TCF7: variants seen among roughly 807,000 people sequenced by gnomAD.
TCF7 encodes T-cell-factor-7.
In TCF7, 19 loss-of-function variants were observed where a neutral mutation model predicts 46.8. That is an observed-to-expected ratio of 0.41 (90% CI 0.28 to 0.60). The LOEUF (loss-of-function observed/expected upper bound fraction) is 0.60, where lower values mean the gene tolerates loss of function less well. Among genes scored for constraint, TCF7 ranks in the 20% least tolerant of loss-of-function variants. The pLI is 0.35. For missense variants in TCF7, 547 were observed against 504.6 expected (o/e 1.08, Z -0.81); for synonymous variants, 245 against 213.4 (o/e 1.15, Z -1.29).
At position 134,146,204 on chromosome 5, in the gene TCF7, ACT is replaced by A; in HGVS notation, c.1076-15_1076-14del. 2 of 1,614,106 alleles carry A rather than the reference ACT, an allele frequency of 1.2e-6. No homozygotes were observed. The highest frequency in any genetic ancestry group is 1.7e-6 in the Non-Finnish European group (2 of 1,180,010). The stretch of plus-strand genomic sequence containing the variant: ...TGAATTCACCCTCTGTTTACAGATA[ACT>A]CTCTTCACTATTCCTAGGAGGAAAA... On this transcript the variant is annotated intron_variant, in intron 9 of 9. Transcript: ENST00000342854.
chr5:134,129,711 C>T (rs1257957047), intron 3 of TCF7, among the ~76,000 whole-genome samples: 3 of 152,256 alleles, frequency 2.0e-5, no homozygotes, highest in Non-Finnish European at 2.9e-5. Flanking sequence ...CAGTGAGTTC[C>T]GAGGGTGCCT....
intron 9 of TCF7, chr5:134,145,706 C>T: frequency 1.9e-6 from 3 of 1,611,386 alleles, no homozygotes; most frequent in Non-Finnish European, 2.5e-6. Flanking sequence ...ACAACCCTGT[C>T]TTCAGGGGAA....
chr5:134,116,100 C>T lies in TCF7; in HGVS notation c.441+67C>T, dbSNP rs1199272976. ...CTCCTTGACCAGGTAGGTGAGGCAC[C>T]GGCAAGAGACTTCTGCCTGGAACAA... On this transcript the variant is annotated intron_variant, in intron 3 of 9. Coordinates refer to ENST00000342854, the MANE Select transcript of TCF7 (RefSeq NM_003202.5). The T allele has an allele frequency of 1.2e-5, 18 of 1,530,102 alleles. No individual in the cohort carries two copies. The East Asian group carries it at 3.2e-4, about 28-fold the overall frequency. The allele number at this position is 1,530,102 out of a possible 1,614,324, so 94.8% of individuals were successfully genotyped here.
At chr5:134,119,414 G>A (rs536411231) in intron 3 of TCF7, among the ~76,000 whole-genome samples, 1 of 152,280 alleles carries the variant, frequency 6.6e-6, no homozygotes, top group African/African-American at 2.4e-5. Context: ...AGATCGTGGT[G>A]GCAGCTGCAC....
At chr5:134,129,147 T>C (rs1199701837) in intron 3 of TCF7, among the ~76,000 whole-genome samples, 2 of 152,220 alleles carry the variant, frequency 1.3e-5, no homozygotes, top group Non-Finnish European at 2.9e-5. Context: ...TTCACTTTCC[T>C]CGTCTGCGAA....
rs1168721976 is a variant in TCF7, at chr5:134,143,007, G to T, written c.933G>T (p.Ser311=). 1.2e-6 allele frequency: 2 copies of T among 1,612,700 alleles called. No homozygotes were observed. Among genetic ancestry groups the T allele is most frequent in the African/African-American group, 1.3e-5 (1 of 74,918 alleles). The part of the protein sequence containing the change: ...QILGRRWHAL[S]REEQAKYYEL... ...CCCTGTTGCAGTGGCACGCGCTGTC[G>T]CGAGAAGAGCAGGCCAAGTACTATG... The change falls in exon 8 of 10, where the codon TCG becomes TCT. Residue 311 remains serine, a synonymous_variant. Coordinates refer to ENST00000342854, the MANE Select transcript of TCF7 (RefSeq NM_003202.5).
At chr5:134,133,974 G>A (rs1189172981) in intron 3 of TCF7, among the ~76,000 whole-genome samples, 2 of 152,182 alleles carry the variant, frequency 1.3e-5, no homozygotes, top group African/African-American at 4.8e-5. Context: ...TGCAACCTGG[G>A]GCTCAGGTGG....
upstream of TCF7, among the ~76,000 whole-genome samples, chr5:134,110,077 C>T (rs868368013): frequency 5.3e-5 from 8 of 152,306 alleles, no homozygotes; most frequent in South Asian, 4.1e-4. Flanking sequence ...CAAACCCATT[C>T]ATCAGGAACA....
At chr5:134,126,760 G>A (rs762837560) in intron 3 of TCF7, among the ~76,000 whole-genome samples, 8 of 152,174 alleles carry the variant, frequency 5.3e-5, no homozygotes, top group Non-Finnish European at 8.8e-5. Context: ...AGCCGGGTGC[G>A]GTGGCACACG....
intron 5 of TCF7, chr5:134,139,251 C>T (rs979552915): frequency 1.8e-5 from 12 of 676,440 alleles, no homozygotes; most frequent in Admixed American, 1.2e-4. Context: ...GCCTGACATA[C>T]TCCCTTTGGA....
upstream of TCF7, among the ~76,000 whole-genome samples, chr5:134,110,138 C>T (rs992598505): frequency 3.9e-5 from 6 of 152,238 alleles, no homozygotes; most frequent in African/African-American, 1.4e-4. Flanking sequence ...TCCTAACAAG[C>T]CCTGTGAAGC....
At chr5:134,137,935 CG>C (rs1759139027) in intron 3 of TCF7, 123 bp from the exon 4 acceptor site, 1 of 730,976 alleles carries the variant, frequency 1.4e-6, no homozygotes, top group Middle Eastern at 3.1e-4. Context: ...GTACCCCCTT[CG>C]CTGAGGCCTG....
chr5:134,145,983 C>T lies in TCF7; in HGVS notation c.1076-241C>T, dbSNP rs187060312. On this transcript the variant is annotated intron_variant, in intron 9 of 9. Coordinates refer to ENST00000342854, the MANE Select transcript of TCF7 (RefSeq NM_003202.5). ...ACTCCCTTGGAAGACAGATGACAGC[C>T]CATAGGCCTAGTGACAAAAGGCCCC... The T allele has an allele frequency of 1.0e-5, 15 of 1,473,882 alleles. No individual in the cohort carries two copies. In the African/African-American group the frequency reaches 2.1e-4, roughly 21 times the overall value. 91.3% of individuals were successfully genotyped at this position (1,473,882 alleles called of 1,614,324 possible). A position where few individuals can be genotyped will look rare whatever the true frequency, so the allele number is the denominator to read the frequency against.
In TCF7 at chr5:134,142,984, C is replaced by G. The variant is rs1760080946; in HGVS notation, c.919-9C>G. 1 of 1,613,818 alleles carries G rather than the reference C, an allele frequency of 6.2e-7. No homozygotes were observed. Among genetic ancestry groups the G allele is most frequent in the East Asian group, 2.2e-5 (1 of 44,860 alleles). Reference sequence around the variant, plus strand: ...GATGCACCCCACCTGCCCCTCTTCCCTGTTGCAGTGGCACGCGCTGTCGCG... The same window carrying G: ...GATGCACCCCACCTGCCCCTCTTCCGTGTTGCAGTGGCACGCGCTGTCGCG... On this transcript the variant is annotated splice_polypyrimidine_tract_variant and intron_variant, in intron 7 of 9. Transcript: ENST00000342854.
Position 134,147,161 on chromosome 5 carries a change from G to C in TCF7, c.*858G>C, listed in dbSNP as rs1760805639. On this transcript the variant is annotated 3_prime_UTR_variant, in exon 10 of 10. Coordinates refer to ENST00000342854, the MANE Select transcript of TCF7 (RefSeq NM_003202.5). ...TTTAGGCCTATCAACCTAAGCAACAGAAATAATCTGACACTACCTTATCAG... is the reference window on the plus strand; with the variant it reads ...TTTAGGCCTATCAACCTAAGCAACACAAATAATCTGACACTACCTTATCAG... 6.6e-6 allele frequency: 1 copy of C among 152,380 alleles called. No homozygotes were observed. The allele number at this position is 152,380 out of a possible 1,614,324, so 9.4% of individuals were successfully genotyped here. A position where few individuals can be genotyped will look rare whatever the true frequency, so the allele number is the denominator to read the frequency against.
chr5:134,108,968 T>A, the TCF7 span, among the ~76,000 whole-genome samples: 1 of 152,324 alleles, frequency 6.6e-6, no homozygotes. Context: ...TGCCATGTTG[T>A]GTGCCATGAC....
At position 134,115,107 on chromosome 5, in the gene TCF7, G is replaced by A. The variant is rs751948996; in HGVS notation, c.201G>A (p.Gly67=). ...NESEGAAGGA[G]IPGVPGAGAG... Reference sequence around the variant, plus strand: ...CCGAGGGCGCGGCCGGCGGCGCAGGGATCCCGGGGGTCCCGGGGGCCGGCG... The same window carrying A: ...CCGAGGGCGCGGCCGGCGGCGCAGGAATCCCGGGGGTCCCGGGGGCCGGCG... The change falls in exon 1 of 10, where the codon GGG becomes GGA. Residue 67 remains glycine, a synonymous_variant. Transcript: ENST00000342854. 4.8e-6 allele frequency: 5 copies of A among 1,042,268 alleles called. No individual in the cohort carries two copies. The highest frequency in any genetic ancestry group is 5.8e-6 in the Non-Finnish European group (5 of 864,630). The allele number at this position is 1,042,268 out of a possible 1,614,324, so 64.6% of individuals were successfully genotyped here.
intron 3 of TCF7, among the ~76,000 whole-genome samples, chr5:134,118,452 G>A (rs1023510793): frequency 6.6e-6 from 1 of 152,214 alleles, no homozygotes; most frequent in Non-Finnish European, 1.5e-5. Context: ...AGCAGGGAAA[G>A]CCTATACCAG....
chr5:134,143,113 T>A lies in TCF7; in HGVS notation c.1026+13T>A. ...GCGGGACAACTACGTGAGTGCCTAG[T>A]GACACACAGCAGGGGTGGGCAGGGG... On this transcript the variant is annotated intron_variant, in intron 8 of 9. Transcript: ENST00000342854. The A allele has an allele frequency of 6.3e-7, 1 of 1,593,700 alleles. No homozygotes were observed. The highest frequency in any genetic ancestry group is 8.5e-7 in the Non-Finnish European group (1 of 1,170,284).
Sources: gnomAD v4.1 joint callset for allele counts (sites outside exome capture counted in the v4.1 genomes callset) on GRCh38, gnomAD v4.1.1 for gene constraint, MANE v1.5 for transcripts, NCBI Gene and HGNC (gene_info 2026-07-23, HGNC 2026-07-21) for gene names.